The following PRKACA variants were observed in gnomAD, a reference collection of about 807,000 sequenced individuals.
PRKACA encodes the protein protein kinase cAMP-activated catalytic subunit alpha, also known as cAMP-dependent protein kinase catalytic subunit alpha.
PRKACA carries 9 observed loss-of-function variants against 45.8 expected under a neutral mutation model. The ratio of observed to expected loss-of-function variants is 0.20; its 90% CI spans 0.12 to 0.34. The LOEUF (loss-of-function observed/expected upper bound fraction) is 0.34, where lower values mean the gene tolerates loss of function less well. Among genes scored for constraint, PRKACA ranks in the 10% least tolerant of loss-of-function variants. The pLI, the probability that PRKACA is intolerant of heterozygous loss-of-function variation, is 1.00. For synonymous variants in PRKACA, 160 were observed against 178.6 expected, an observed-to-expected ratio of 0.90 and a Z score of 0.83; for missense variants, 238 against 458.6, an observed-to-expected ratio of 0.52 and a Z score of 4.39.
rs761518079 is a variant in PRKACA at position 14,097,249 on chromosome 19, T to G, written c.765+112A>C. On this transcript the variant is annotated intron_variant, in intron 8 of 9. Transcript: ENST00000308677. The surrounding 1 kb of genome is among the most constrained non-coding windows in gnomAD (Gnocchi z 5.4). ...TCCAGCTTCACCACCTGGCCTGACT[T>G]AAGGAACTTCTAGATTATTCTGACA... is the stretch of plus-strand genomic sequence containing the variant. The G allele has an allele frequency of 1.3e-6, 2 of 1,550,464 alleles. No homozygotes were observed. The highest frequency in any genetic ancestry group is 1.8e-6 in the Non-Finnish European group (2 of 1,132,386).
At chr19:14,114,201 G>A (rs1967056471) in intron 1 of PRKACA, 2 of 1,601,304 alleles carry the variant, frequency 1.2e-6, no homozygotes, top group East Asian at 2.3e-5. Flanking sequence ...TGGCTGGGAA[G>A]GCTCATGAGA....
chr19:14,113,764 G>T (rs1386662962), intron 1 of PRKACA, among the ~76,000 whole-genome samples: 3 of 151,540 alleles, frequency 2.0e-5, no homozygotes, highest in Non-Finnish European at 4.4e-5. Context: ...TTACCTAAAT[G>T]ACACAACTCT....
intron 1 of PRKACA, chr19:14,107,688 C>T (rs1977653758): frequency 9.5e-6 from 12 of 1,261,320 alleles, no homozygotes; most frequent in Non-Finnish European, 1.0e-5. Flanking sequence ...GACCAGCCCA[C>T]CCCCACTCGC....
intron 1 of PRKACA, among the ~76,000 whole-genome samples, chr19:14,111,397 CAA>C (rs543039915): frequency 1.3e-4 from 17 of 128,026 alleles, no homozygotes; most frequent in Non-Finnish European, 1.0e-4. Context: ...AACTCTGTCT[CAA>C]AAAAAAAAAA....
chr19:14,111,984 C>CA (rs914212728), intron 1 of PRKACA, among the ~76,000 whole-genome samples: 26 of 152,230 alleles, frequency 1.7e-4, no homozygotes, highest in African/African-American at 6.3e-4. Context: ...GCTGAGCTCC[C>CA]AGCCCCTGGC....
At chr19:14,099,659 T>C (rs971879015) in intron 5 of PRKACA, among the ~76,000 whole-genome samples, 3 of 151,250 alleles carry the variant, frequency 2.0e-5, no homozygotes, top group African/African-American at 7.3e-5. Flanking sequence ...CTCAAATTCC[T>C]GGGCTCTAGC....
At chr19:14,107,888 CT>C in intron 1 of PRKACA, 1 of 989,506 alleles carries the variant, frequency 1.0e-6, no homozygotes, top group Non-Finnish European at 1.2e-6. Flanking sequence ...CCCTGTTCCT[CT>C]CCGTGGCAAT....
At position 14,092,523 on chromosome 19, in the gene PRKACA, A is replaced by AG. The variant is rs1299050736; in HGVS notation, c.*588dup. On this transcript the variant is annotated 3_prime_UTR_variant, in exon 10 of 10. Coordinates refer to ENST00000308677, the MANE Select transcript of PRKACA (RefSeq NM_002730.4). ...ACATGGGAGGGGTGGGAGTAGAGGAAGGAGGGAGGGAGGCACTGGTGGAAC... is the reference window on the plus strand; with the variant it reads ...ACATGGGAGGGGTGGGAGTAGAGGAAGGGAGGGAGGGAGGCACTGGTGGAAC... 6 of 392,022 alleles carry AG rather than the reference A, an allele frequency of 1.5e-5. No individual in the cohort carries two copies. The highest frequency in any genetic ancestry group is 2.7e-5 in the Non-Finnish European group (6 of 221,944). 24.3% of individuals were successfully genotyped at this position (392,022 alleles called of 1,614,324 possible).
In PRKACA at chr19:14,092,368, G is replaced by C. The variant is rs1342948058; in HGVS notation, c.*744C>G. ...GCTTCCTAAAGGGGCCTAGACCCTC[G>C]CAGGATTGGCAGAGAGGATTCCCCG... On this transcript the variant is annotated 3_prime_UTR_variant, in exon 10 of 10. Coordinates refer to ENST00000308677, the MANE Select transcript of PRKACA (RefSeq NM_002730.4). 2 of 351,398 alleles carry C rather than the reference G, an allele frequency of 5.7e-6. No homozygotes were observed. The highest frequency in any genetic ancestry group is 8.3e-5 in the East Asian group (2 of 24,104). The allele number at this position is 351,398 out of a possible 1,614,324, so 21.8% of individuals were successfully genotyped here. A position where few individuals can be genotyped will look rare whatever the true frequency, so the allele number is the denominator to read the frequency against.
At chr19:14,101,197 C>G in intron 4 of PRKACA, 1 of 357,706 alleles carries the variant, frequency 2.8e-6, no homozygotes, top group Non-Finnish European at 5.3e-6. Flanking sequence ...ACAGTTTTGT[C>G]ATCTGTAAAA....
intron 5 of PRKACA, among the ~76,000 whole-genome samples, chr19:14,099,489 G>T (rs1042317090): frequency 8.7e-5 from 13 of 149,898 alleles, no homozygotes; most frequent in Non-Finnish European, 1.6e-4. Context: ...TCCTAGGGAT[G>T]AAGGTGGGCT....
At chr19:14,101,729 C>A (rs974502810) in intron 4 of PRKACA, among the ~76,000 whole-genome samples, 6 of 151,498 alleles carry the variant, frequency 4.0e-5, no homozygotes, top group Admixed American at 2.6e-4. Flanking sequence ...GATGTGATGG[C>A]ACATGCCTGT....
intron 1 of PRKACA, among the ~76,000 whole-genome samples, chr19:14,111,258 G>A (rs912050263): frequency 2.6e-5 from 4 of 152,130 alleles, no homozygotes; most frequent in African/African-American, 9.7e-5. Context: ...TTAGCTGGGC[G>A]TGGTGGCACA....
chr19:14,106,366 C>A (rs1032596963), intron 3 of PRKACA, among the ~76,000 whole-genome samples: 3 of 151,598 alleles, frequency 2.0e-5, no homozygotes, highest in African/African-American at 7.3e-5. Flanking sequence ...CACAAAAAAA[C>A]CAAGCGGCCA....
At chr19:14,098,657 G>A (rs971982243) in intron 5 of PRKACA, among the ~76,000 whole-genome samples, 9 of 151,336 alleles carry the variant, frequency 5.9e-5, no homozygotes, top group Non-Finnish European at 1.0e-4. Context: ...CACCACGCCC[G>A]GCTAATTTTT....
chr19:14,098,021 C>G lies in PRKACA; in HGVS notation c.420-131G>C, dbSNP rs180709305. The G allele has an allele frequency of 2.4e-5, 28 of 1,168,910 alleles. No homozygotes were observed. In the Middle Eastern group the frequency reaches 8.7e-4, roughly 36 times the overall value. 72.4% of individuals were successfully genotyped at this position (1,168,910 alleles called of 1,614,324 possible). On this transcript the variant is annotated intron_variant, in intron 5 of 9. Transcript: ENST00000308677. ...CGTCAGAAACGCAAGGCACCTGATT[C>G]TTAGATAGCCCGACATGGGAAACAG...
chr19:14,100,985 G>A (rs1200948732), intron 4 of PRKACA, 77 bp from the exon 5 acceptor site: 3 of 1,302,078 alleles, frequency 2.3e-6, no homozygotes, highest in East Asian at 2.3e-5. Flanking sequence ...GGCCTCCCCG[G>A]CTGGTGTTCA....
intron 8 of PRKACA, among the ~76,000 whole-genome samples, chr19:14,095,168 CTTTT>C (rs1261809082): frequency 1.3e-5 from 2 of 149,234 alleles, no homozygotes; most frequent in Admixed American, 6.7e-5. Context: ...ATTTTTTTTT[CTTTT>C]TTTCTTTTTT....
rs760890738 is a variant in PRKACA, at chr19:14,097,122, C to T, written c.765+239G>A. On this transcript the variant is annotated intron_variant, in intron 8 of 9. Coordinates refer to ENST00000308677, the MANE Select transcript of PRKACA (RefSeq NM_002730.4). The surrounding 1 kb of genome is among the most constrained non-coding windows in gnomAD (Gnocchi z 5.4). ...TTGTGTTCTGTGGCCAAGATGTTCCCGTGAGGCTCGGGATTTTGGAAGCCC... is the reference window on the plus strand; with the variant it reads ...TTGTGTTCTGTGGCCAAGATGTTCCTGTGAGGCTCGGGATTTTGGAAGCCC... 7.9e-5 allele frequency: 44 copies of T among 558,760 alleles called. No homozygotes were observed. The highest frequency in any genetic ancestry group is 5.5e-4 in the African/African-American group (29 of 52,780). 34.6% of individuals were successfully genotyped at this position (558,760 alleles called of 1,614,324 possible). A position where few individuals can be genotyped will look rare whatever the true frequency, so the allele number is the denominator to read the frequency against.
Sources: gnomAD v4.1 joint callset for allele counts (sites outside exome capture counted in the v4.1 genomes callset) on GRCh38, gnomAD v4.1.1 for gene constraint, Gnocchi (gnomAD v3.1) non-coding constraint, MANE v1.5 for transcripts, NCBI Gene and HGNC (gene_info 2026-07-23, HGNC 2026-07-21) for gene names.